The following TSG101 variants were observed in gnomAD, a reference collection of about 807,000 sequenced individuals.
TSG101 encodes the protein tumor susceptibility gene 101 protein.
A neutral mutation model predicts 48.5 loss-of-function variants in TSG101; 19 were observed. That is an observed-to-expected ratio of 0.39 (90% CI 0.27 to 0.58). The LOEUF (loss-of-function observed/expected upper bound fraction) is 0.58, where lower values mean the gene tolerates loss of function less well. TSG101 is among the 20% of genes least tolerant of loss of function. TSG101 has a pLI of 0.55. For missense variants in TSG101, 365 were observed against 484.4 expected (o/e 0.75, Z 2.31); for synonymous variants, 174 against 169.4 (o/e 1.03, Z -0.21).
intron 6 of TSG101, among the ~76,000 whole-genome samples, chr11:18,503,005 G>GT (rs1189585339): frequency 6.6e-6 from 1 of 152,080 alleles, no homozygotes; most frequent in Admixed American, 6.5e-5. Flanking sequence ...TCTTTAAATA[G>GT]TTTTTTTCCT....
chr11:18,488,613 G>A (rs1473799824), intron 7 of TSG101, among the ~76,000 whole-genome samples: 1 of 152,110 alleles, frequency 6.6e-6, no homozygotes, highest in Non-Finnish European at 1.5e-5. Flanking sequence ...GAGAACTGGA[G>A]GAAGACAGAG....
Position 18,480,377 on chromosome 11 carries a change from G to A in TSG101, c.*169C>T, listed in dbSNP as rs1849509563. Reference sequence around the variant, plus strand: ...AAAAAGTTTACAGAGGATAGAAAGTGCATTAATAAAAGCCAGTCTTTACCA... The same window carrying A: ...AAAAAGTTTACAGAGGATAGAAAGTACATTAATAAAAGCCAGTCTTTACCA... On this transcript the variant is annotated 3_prime_UTR_variant, in exon 10 of 10. Transcript: ENST00000251968. 4.0e-6 allele frequency: 2 copies of A among 501,754 alleles called. No individual in the cohort carries two copies. The highest frequency in any genetic ancestry group is 7.0e-6 in the Non-Finnish European group (2 of 286,296). The allele number at this position is 501,754 out of a possible 1,614,324, so 31.1% of individuals were successfully genotyped here.
At chr11:18,496,687 T>G (rs1309148966) in intron 7 of TSG101, among the ~76,000 whole-genome samples, 1 of 151,802 alleles carries the variant, frequency 6.6e-6, no homozygotes, top group South Asian at 2.1e-4. Flanking sequence ...TCCTAGCTAC[T>G]CAGGAGGCTG....
At chr11:18,519,916 GATATAATTCACATACC>G (rs1429923769) in intron 1 of TSG101, among the ~76,000 whole-genome samples, 1 of 152,136 alleles carries the variant, frequency 6.6e-6, no homozygotes, top group Non-Finnish European at 1.5e-5. Flanking sequence ...GCTTTTTAAA[GATATAATTCACATACC>G]ATATAATTCA....
intron 7 of TSG101, among the ~76,000 whole-genome samples, chr11:18,488,697 C>A (rs1849656228): frequency 6.6e-6 from 1 of 152,040 alleles, no homozygotes. Flanking sequence ...ATGTCTCTCA[C>A]CCCTGCCCAT....
At chr11:18,498,579 T>C (rs745612838) in intron 7 of TSG101, among the ~76,000 whole-genome samples, 7 of 152,106 alleles carry the variant, frequency 4.6e-5, no homozygotes, top group Non-Finnish European at 5.9e-5. Flanking sequence ...GTTAGGAAGA[T>C]TGAGAATTCG....
chr11:18,511,849 G>C (rs1177396663), intron 4 of TSG101, among the ~76,000 whole-genome samples: 1 of 151,992 alleles, frequency 6.6e-6, no homozygotes, highest in Non-Finnish European at 1.5e-5. Flanking sequence ...CATCTCTATA[G>C]ATTTGCTTTC....
intron 4 of TSG101, among the ~76,000 whole-genome samples, chr11:18,513,261 A>G (rs867651967): frequency 6.6e-6 from 1 of 151,874 alleles, no homozygotes; most frequent in Non-Finnish European, 1.5e-5. Flanking sequence ...GGAATTCAAC[A>G]TATCTCTTAA....
chr11:18,516,178 A>G lies in TSG101; in HGVS notation c.128-14T>C. The G allele has an allele frequency of 1.2e-6, 2 of 1,612,196 alleles. No individual in the cohort carries two copies. The highest frequency in any genetic ancestry group is 1.7e-6 in the Non-Finnish European group (2 of 1,178,678). ...CATCGTTAAAAACTGAAAGGAAAGA[A>G]CAATGATTTAATCATGAGCATTTTT... is the stretch of plus-strand genomic sequence containing the variant. On this transcript the variant is annotated splice_polypyrimidine_tract_variant and intron_variant, in intron 2 of 9. Transcript: ENST00000251968.
Position 18,502,540 on chromosome 11 carries a change from A to G in TSG101, c.586T>C (p.Tyr196His), listed in dbSNP as rs758539923. ...TACTGAGAACTTGTTGTGGCAGGAT[A>G]TGGACCACCAGGTGGGTAAGGACAG... is the stretch of plus-strand genomic sequence containing the variant. ...PGCPYPPGGP[Y>H]PATTSSQYPS... Residue 196 changes from tyrosine (Y) to histidine (H), a missense_variant, in exon 7 of 10, where the codon TAT becomes CAT. Physicochemically the swap from Tyr to His is moderately conservative, Grantham distance 83. Coordinates refer to ENST00000251968, the MANE Select transcript of TSG101 (RefSeq NM_006292.4). 1 of 1,613,188 alleles carries G rather than the reference A, an allele frequency of 6.2e-7. No homozygotes were observed.
Position 18,519,521 on chromosome 11 carries a change from T to C in TSG101, c.125A>G (p.Tyr42Cys). ...YKDLKPVLDS[Y>C]VFNDGSSREL... ...CTATTTTTACTGCATAAACTCACCA[T>C]ATGAATCCAAAACAGGTTTGAGATC... is the stretch of plus-strand genomic sequence containing the variant. The change falls in exon 2 of 10, where the codon TAT becomes TGT. Residue 42 changes from tyrosine to cysteine, a missense_variant and splice_region_variant. Tyr to Cys is a radical substitution (Grantham distance 194, BLOSUM62 -2). Coordinates refer to ENST00000251968, the MANE Select transcript of TSG101 (RefSeq NM_006292.4). 6.2e-7 allele frequency: 1 copy of C among 1,606,150 alleles called. No homozygotes were observed. The highest frequency in any genetic ancestry group is 1.3e-5 in the African/African-American group (1 of 74,870).
At chr11:18,516,229 T>C in intron 2 of TSG101, 65 bp from the exon 3 acceptor site, 2 of 1,418,138 alleles carry the variant, frequency 1.4e-6, no homozygotes, top group Non-Finnish European at 2.0e-6. Context: ...AGTTATTCTT[T>C]CAGAAAGACT....
intron 6 of TSG101, 109 bp downstream of exon 6, chr11:18,506,748 C>T (rs2133922169): frequency 1.2e-6 from 1 of 825,440 alleles, no homozygotes; most frequent in East Asian, 2.9e-5. Flanking sequence ...TTATCTTCCA[C>T]TAAATTGCAA....
At chr11:18,487,102 C>T (rs1162317831) in intron 7 of TSG101, among the ~76,000 whole-genome samples, 1 of 125,682 alleles carries the variant, frequency 8.0e-6, no homozygotes, top group Non-Finnish European at 1.6e-5. Context: ...GGGAACATCA[C>T]ACATCGGGAC....
At chr11:18,519,146 GGGACTACA>G (rs1325495040) in intron 2 of TSG101, among the ~76,000 whole-genome samples, 1 of 151,926 alleles carries the variant, frequency 6.6e-6, no homozygotes, top group Non-Finnish European at 1.5e-5. Context: ...CTGGGTAGCT[GGGACTACA>G]GGAGCACCAG....
In TSG101 at chr11:18,514,588, C is replaced by G. The variant is rs578187330; in HGVS notation, c.357+90G>C. 30 of 1,120,002 alleles carry G rather than the reference C, an allele frequency of 2.7e-5. No homozygotes were observed. In the East Asian group the frequency reaches 7.6e-4, roughly 28 times the overall value. The allele number at this position is 1,120,002 out of a possible 1,614,324, so 69.4% of individuals were successfully genotyped here. ...TTATCTGAACTTATCTATCCTACCT[C>G]GAATCCTCCTTGAGTGCTAAAAGAA... is the stretch of plus-strand genomic sequence containing the variant. On this transcript the variant is annotated intron_variant, in intron 4 of 9. Coordinates refer to ENST00000251968, the MANE Select transcript of TSG101 (RefSeq NM_006292.4).
chr11:18,519,411 A>G, intron 2 of TSG101, 108 bp downstream of exon 2: 1 of 852,964 alleles, frequency 1.2e-6, no homozygotes. Flanking sequence ...CGGTGGTGCA[A>G]TCCCACAATT....
At chr11:18,520,450 C>T (rs1357481650) in intron 1 of TSG101, among the ~76,000 whole-genome samples, 2 of 152,156 alleles carry the variant, frequency 1.3e-5, no homozygotes, top group African/African-American at 4.8e-5. Context: ...GTCTCCAACT[C>T]CTGACCTCAA....
At chr11:18,495,666 G>GTTT (rs35958204) in intron 7 of TSG101, among the ~76,000 whole-genome samples, 2 of 135,912 alleles carry the variant, frequency 1.5e-5, no homozygotes, top group Non-Finnish European at 1.6e-5. Flanking sequence ...TACCAGTTAG[G>GTTT]TTTTTTTTTT....
Sources: allele counts gnomAD v4.1 joint callset (sites outside exome capture counted in the v4.1 genomes callset), GRCh38; gene constraint gnomAD v4.1.1; transcripts MANE v1.5; gene names NCBI Gene and HGNC (gene_info 2026-07-23, HGNC 2026-07-21).